THSD7A: variants seen among roughly 807,000 people sequenced by gnomAD.
THSD7A encodes thrombospondin type 1 domain containing 7A.
Under a neutral mutation model 231.3 loss-of-function variants are expected in THSD7A, and 96 were observed. The observed-to-expected ratio is 0.41, with a 90% CI of 0.35 to 0.49. The LOEUF (loss-of-function observed/expected upper bound fraction) is 0.49. Ranked by LOEUF, THSD7A falls within the 20% of genes least tolerant of loss-of-function variation. The probability of loss-of-function intolerance (pLI) is 0.05; values close to 1 mark genes in which losing one functional copy is unlikely to be tolerated. For missense variants in THSD7A, 2,290 were observed against 2,070.2 expected (o/e 1.11, Z -2.06); for synonymous variants, 940 against 743.3 (o/e 1.26, Z -4.30).
At chr7:11,613,837 G>A (rs1395781018) in intron 2 of THSD7A, among the ~76,000 whole-genome samples, 1 of 152,116 alleles carries the variant, frequency 6.6e-6, no homozygotes, top group Non-Finnish European at 1.5e-5. Flanking sequence ...TTTTGCTTAT[G>A]GATTTGCCTA....
chr7:11,425,515 T>C (rs894449176), intron 15 of THSD7A, among the ~76,000 whole-genome samples: 7 of 152,212 alleles, frequency 4.6e-5, no homozygotes, highest in African/African-American at 1.7e-4. Context: ...CCAGGGTCCA[T>C]AAAGCCTTTC....
In THSD7A at chr7:11,574,281, G is replaced by A. The variant is rs868010507; in HGVS notation, c.1453+16179C>T. Among the ~76,000 whole-genome samples, 14 of 152,102 alleles carry A rather than the reference G, an allele frequency of 9.2e-5. No homozygotes were observed. In the Middle Eastern group the frequency reaches 0.01, roughly 111 times the overall value. ...ATAATTTTTCTCCTTCCATTAAAGT[G>A]TAAACTTTGTGACAGCAGGAATAGT... On this transcript the variant is annotated intron_variant, in intron 4 of 27. Transcript: ENST00000423059.
chr7:11,810,534 G>T (rs896116340), intron 1 of THSD7A, among the ~76,000 whole-genome samples: 1 of 152,084 alleles, frequency 6.6e-6, no homozygotes, highest in Non-Finnish European at 1.5e-5. Context: ...TAAATAAAGG[G>T]GCTTAGAGGG....
intron 22 of THSD7A, among the ~76,000 whole-genome samples, chr7:11,404,245 A>C (rs1783507051): frequency 6.6e-6 from 1 of 152,186 alleles, no homozygotes; most frequent in South Asian, 2.1e-4. Context: ...CTCTGGCCTC[A>C]AGTCCAGGGC....
At chr7:11,458,175 T>TA (rs758094176) in intron 11 of THSD7A, among the ~76,000 whole-genome samples, 1 of 152,118 alleles carries the variant, frequency 6.6e-6, no homozygotes, top group East Asian at 1.9e-4. Context: ...ATTTTTGTCA[T>TA]AAAAATAGCA....
At chr7:11,645,043 C>T (rs1448231309) in intron 1 of THSD7A, among the ~76,000 whole-genome samples, 1 of 151,868 alleles carries the variant, frequency 6.6e-6, no homozygotes, top group Non-Finnish European at 1.5e-5. Flanking sequence ...ATACATGTTG[C>T]CCAACTGATT....
At chr7:11,821,054 A>C in intron 1 of THSD7A, 1 of 990,184 alleles carries the variant, frequency 1.0e-6, no homozygotes, top group Non-Finnish European at 1.6e-6. Context: ...CACGAGCCAA[A>C]CCATGTTTTA....
intron 1 of THSD7A, among the ~76,000 whole-genome samples, chr7:11,667,347 G>A (rs1344697776): frequency 2.6e-5 from 4 of 151,982 alleles, no homozygotes; most frequent in African/African-American, 4.8e-5. Context: ...ACCACTTCTC[G>A]TCTGTTCACA....
chr7:11,812,012 G>A (rs527732938), intron 1 of THSD7A, among the ~76,000 whole-genome samples: 2 of 152,230 alleles, frequency 1.3e-5, no homozygotes, highest in East Asian at 3.9e-4. Context: ...TCAGACAAGG[G>A]AGGTGGGAGA....
At chr7:11,607,768 A>G (rs1780781339) in intron 2 of THSD7A, among the ~76,000 whole-genome samples, 1 of 152,132 alleles carries the variant, frequency 6.6e-6, no homozygotes, top group African/African-American at 2.4e-5. Flanking sequence ...CTCATGTTAA[A>G]GCCATTTTCC....
chr7:11,672,999 A>C (rs980320057), intron 1 of THSD7A, among the ~76,000 whole-genome samples: 4 of 152,202 alleles, frequency 2.6e-5, no homozygotes, highest in African/African-American at 7.2e-5. Context: ...GGCCAACTAG[A>C]AGCAGCTGGA....
At chr7:11,521,424 A>C (rs1476426666) in intron 6 of THSD7A, among the ~76,000 whole-genome samples, 3 of 151,306 alleles carry the variant, frequency 2.0e-5, no homozygotes, top group Non-Finnish European at 4.4e-5. Context: ...GAGACACTGA[A>C]GTCACAAGCT....
intron 1 of THSD7A, among the ~76,000 whole-genome samples, chr7:11,695,684 T>C (rs1169596810): frequency 6.6e-6 from 1 of 151,532 alleles, no homozygotes; most frequent in Non-Finnish European, 1.5e-5. Context: ...ACGGAGTAAT[T>C]GGTCCAAAGA....
chr7:11,682,059 GGGA>G (rs1392404214), intron 1 of THSD7A, among the ~76,000 whole-genome samples: 2 of 152,002 alleles, frequency 1.3e-5, no homozygotes, highest in Non-Finnish European at 2.9e-5. Context: ...CAATCACTAA[GGGA>G]GTTTGTTACC....
chr7:11,748,905 A>G (rs1432390649), intron 1 of THSD7A, among the ~76,000 whole-genome samples: 2 of 152,022 alleles, frequency 1.3e-5, no homozygotes, highest in Non-Finnish European at 2.9e-5. Flanking sequence ...TTTATTGATC[A>G]TAAGATTTTT....
intron 10 of THSD7A, among the ~76,000 whole-genome samples, chr7:11,461,260 G>A (rs987899591): frequency 3.9e-5 from 6 of 152,140 alleles, no homozygotes; most frequent in African/African-American, 1.2e-4. Flanking sequence ...TTGTCAATGT[G>A]CATGGTGTAA....
At chr7:11,696,242 T>C (rs1238972846) in intron 1 of THSD7A, among the ~76,000 whole-genome samples, 4 of 151,430 alleles carry the variant, frequency 2.6e-5, no homozygotes, top group Non-Finnish European at 4.4e-5. Flanking sequence ...TGGTTGGAAA[T>C]TAAACCCATA....
intron 11 of THSD7A, among the ~76,000 whole-genome samples, chr7:11,460,364 A>G (rs1314769337): frequency 1.3e-5 from 2 of 152,138 alleles, no homozygotes; most frequent in East Asian, 1.9e-4. Context: ...ACAAACAAAC[A>G]AACAAACAAA....
chr7:11,752,249 G>A (rs945674103), intron 1 of THSD7A, among the ~76,000 whole-genome samples: 1 of 151,984 alleles, frequency 6.6e-6, no homozygotes, highest in Non-Finnish European at 1.5e-5. Flanking sequence ...TTTCAGGGTC[G>A]AGGAGTTTCA....
Sources: gnomAD v4.1 joint callset for allele counts (sites outside exome capture counted in the v4.1 genomes callset) on GRCh38, gnomAD v4.1.1 for gene constraint, MANE v1.5 for transcripts, NCBI Gene and HGNC (gene_info 2026-07-23, HGNC 2026-07-21) for gene names.